GLRA2: variants seen among roughly 807,000 people sequenced by gnomAD.
GLRA2 encodes glycine receptor subunit alpha-2.
GLRA2 carries 11 observed loss-of-function variants against 31.6 expected under a neutral mutation model. The observed-to-expected ratio is 0.35, with a 90% CI of 0.22 to 0.58. GLRA2 has a LOEUF of 0.58. Ranked by LOEUF, GLRA2 falls within the 20% of genes least tolerant of loss-of-function variation. GLRA2 has a pLI of 0.84. For synonymous variants in GLRA2, 132 were observed against 134.0 expected (o/e 0.99, Z 0.10); for missense variants, 212 against 351.8 (o/e 0.60, Z 3.18).
chrX:14,576,249 A>G (rs776385314), intron 3 of GLRA2, among the ~76,000 whole-genome samples: 1 of 111,551 alleles, frequency 9.0e-6, no homozygotes, highest in East Asian at 2.8e-4. Context: ...TTTTGATATT[A>G]TTCTGAAACA....
Position 14,567,481 on chromosome X carries a change from C to T in GLRA2, c.203-6852C>T, listed in dbSNP as rs190596582. Among the ~76,000 whole-genome samples, 101 of 111,819 alleles carry T rather than the reference C, an allele frequency of 9.0e-4. 2 individuals carry two copies. The East Asian group carries it at 0.022, about 24-fold the overall frequency. On this transcript the variant is annotated intron_variant, in intron 2 of 8. Transcript: ENST00000218075. Reference sequence around the variant, plus strand: ...ATGATAAAGGGAATTTATTAAAACTCACAATTAACAACATGATCCAACTAT... The same window carrying T: ...ATGATAAAGGGAATTTATTAAAACTTACAATTAACAACATGATCCAACTAT...
the GLRA2 span, among the ~76,000 whole-genome samples, chrX:14,482,766 CCAT>C: frequency 5.4e-5 from 6 of 110,879 alleles, no homozygotes; most frequent in South Asian, 2.3e-3. Flanking sequence ...ACCACCACCA[CCAT>C]CATCATCTTT....
chrX:14,514,716 A>T, the GLRA2 span, among the ~76,000 whole-genome samples: 1 of 111,211 alleles, frequency 9.0e-6, no homozygotes, highest in Non-Finnish European at 1.9e-5. Flanking sequence ...AATTTTTTTT[A>T]GCATTTGAAA....
the GLRA2 span, among the ~76,000 whole-genome samples, chrX:14,508,318 G>T: frequency 8.9e-6 from 1 of 112,252 alleles, no homozygotes; most frequent in South Asian, 3.7e-4. Flanking sequence ...TCATGTTAAG[G>T]TATAGTGACT....
chrX:14,449,408 A>G, the GLRA2 span, among the ~76,000 whole-genome samples: 3 of 112,466 alleles, frequency 2.7e-5, no homozygotes, highest in Non-Finnish European at 5.6e-5. Context: ...CAGAGCTTAA[A>G]CCTGTGTGGA....
chrX:14,688,605 G>A (rs750462991), intron 7 of GLRA2, among the ~76,000 whole-genome samples: 26 of 111,693 alleles, frequency 2.3e-4, no homozygotes, highest in African/African-American at 7.2e-4. Context: ...CGAGCCAGGC[G>A]CAGGATATAA....
intron 7 of GLRA2, among the ~76,000 whole-genome samples, chrX:14,650,828 G>A (rs1324504719): frequency 9.0e-6 from 1 of 111,588 alleles, no homozygotes; most frequent in Non-Finnish European, 1.9e-5. Context: ...GGCATCCCAA[G>A]CTTGAACTCT....
chrX:14,519,011 C>CAAA, the GLRA2 span, among the ~76,000 whole-genome samples: 9 of 27,224 alleles, frequency 3.3e-4, no homozygotes, highest in East Asian at 1.2e-3. Context: ...GACTCGGTCT[C>CAAA]AAAAAAAAAA....
chrX:14,532,582 T>G (rs2089271605), intron 2 of GLRA2, among the ~76,000 whole-genome samples: 1 of 112,130 alleles, frequency 8.9e-6, no homozygotes, highest in African/African-American at 3.2e-5. Context: ...GTTTGTGTTC[T>G]ATTTCACAAA....
At chrX:14,527,820 T>G (rs1482793958), upstream of GLRA2, among the ~76,000 whole-genome samples, 23 of 111,466 alleles carry the variant, frequency 2.1e-4, no homozygotes, top group Admixed American at 2.1e-3. Flanking sequence ...TATATTTTTT[T>G]GGGTCAGGAC....
At chrX:14,581,082 C>T (rs749892444) in intron 3 of GLRA2, 101 bp from the exon 4 acceptor site, 726 of 553,991 alleles carry the variant, frequency 1.3e-3, no homozygotes, top group Middle Eastern at 4.9e-3. Context: ...TTTACTCGGA[C>T]ACCAAAGCTG....
intron 8 of GLRA2, among the ~76,000 whole-genome samples, chrX:14,707,761 T>C (rs1347644263): frequency 1.8e-5 from 2 of 109,816 alleles, no homozygotes; most frequent in Admixed American, 1.9e-4. Flanking sequence ...AAAAAAGGTG[T>C]GTGTGTGTGT....
At chrX:14,511,744 A>C in the GLRA2 span, among the ~76,000 whole-genome samples, 1 of 112,142 alleles carries the variant, frequency 8.9e-6, no homozygotes, top group Non-Finnish European at 1.9e-5. Context: ...TGATTGTGAT[A>C]ATGAAAAGTA....
At chrX:14,709,580 A>T (rs1399980728) in intron 8 of GLRA2, among the ~76,000 whole-genome samples, 1 of 112,490 alleles carries the variant, frequency 8.9e-6, no homozygotes, top group Admixed American at 9.4e-5. Context: ...GTTGCGTATA[A>T]GAAGCTATAA....
chrX:14,688,385 C>G (rs1044118807), intron 7 of GLRA2, among the ~76,000 whole-genome samples: 5 of 111,616 alleles, frequency 4.5e-5, no homozygotes, highest in African/African-American at 1.3e-4. Flanking sequence ...TTTGGCTATG[C>G]CCTGCCCCGA....
At chrX:14,714,233 AG>A (rs1198185092) in intron 8 of GLRA2, among the ~76,000 whole-genome samples, 2 of 110,981 alleles carry the variant, frequency 1.8e-5, no homozygotes, top group African/African-American at 6.5e-5. Flanking sequence ...GTTCTCAAGT[AG>A]GGTTGATTTA....
chrX:14,613,866 A>G (rs1010957053), intron 7 of GLRA2, among the ~76,000 whole-genome samples: 3 of 111,616 alleles, frequency 2.7e-5, no homozygotes, highest in African/African-American at 6.5e-5. Flanking sequence ...GGAGGATTCT[A>G]TAGATTCTCA....
chrX:14,478,483 T>A, the GLRA2 span, among the ~76,000 whole-genome samples: 1 of 112,087 alleles, frequency 8.9e-6, no homozygotes, highest in African/African-American at 3.2e-5. Context: ...CAGCCTTATA[T>A]CCTATTTGTG....
chrX:14,632,844 T>C (rs754180497), intron 7 of GLRA2, among the ~76,000 whole-genome samples: 1 of 111,775 alleles, frequency 8.9e-6, no homozygotes, highest in Non-Finnish European at 1.9e-5. Flanking sequence ...GTACACATAC[T>C]GTATTAGGTA....
Sources: allele counts gnomAD v4.1 joint callset (sites outside exome capture counted in the v4.1 genomes callset), GRCh38; gene constraint gnomAD v4.1.1; transcripts MANE v1.5; gene names NCBI Gene and HGNC (gene_info 2026-07-23, HGNC 2026-07-21).